HAVCR1: variants seen among roughly 807,000 people sequenced by gnomAD.
HAVCR1 encodes hepatitis A virus cellular receptor 1.
In HAVCR1, 34 loss-of-function variants were observed where a neutral mutation model predicts 32.0. The observed-to-expected ratio is 1.06, with a 90% CI of 0.81 to 1.42. The LOEUF (loss-of-function observed/expected upper bound fraction) is 1.42. Among genes scored for constraint, HAVCR1 ranks in the 40% most tolerant of loss-of-function variants. The probability of loss-of-function intolerance (pLI) is 0.00; values close to 1 mark genes in which losing one functional copy is unlikely to be tolerated. For synonymous variants in HAVCR1, 178 were observed against 170.3 expected, an observed-to-expected ratio of 1.05 and a Z score of -0.35; for missense variants, 420 against 442.3, an observed-to-expected ratio of 0.95 and a Z score of 0.45.
At chr5:157,062,545 C>T (rs1756511060), upstream of HAVCR1, among the ~76,000 whole-genome samples, 1 of 152,130 alleles carries the variant, frequency 6.6e-6, no homozygotes, top group Non-Finnish European at 1.5e-5. Flanking sequence ...CTTAGGCCCC[C>T]TCCACAACTA....
At chr5:157,035,635 A>C (rs1754480369) in intron 7 of HAVCR1, among the ~76,000 whole-genome samples, 1 of 152,180 alleles carries the variant, frequency 6.6e-6, no homozygotes, top group African/African-American at 2.4e-5. Flanking sequence ...GAAAAAAATT[A>C]GATCTTGTAG....
upstream of HAVCR1, among the ~76,000 whole-genome samples, chr5:157,060,649 T>C (rs1377520385): frequency 6.6e-6 from 1 of 152,180 alleles, no homozygotes. Flanking sequence ...GGAGTTATTC[T>C]GGTAACGGAG....
chr5:157,048,589 G>A (rs1224423556), intron 5 of HAVCR1, among the ~76,000 whole-genome samples: 2 of 152,162 alleles, frequency 1.3e-5, no homozygotes, highest in Non-Finnish European at 2.9e-5. Context: ...CCAGCACTTT[G>A]GGAGGTGGAG....
At chr5:157,042,021 T>C (rs1055700143) in intron 6 of HAVCR1, among the ~76,000 whole-genome samples, 2 of 152,028 alleles carry the variant, frequency 1.3e-5, no homozygotes, top group East Asian at 1.9e-4. Flanking sequence ...ATCGCATCAC[T>C]ACACTCCAGC....
chr5:157,052,497 C>A lies in HAVCR1; in HGVS notation c.537G>T (p.Leu179=). The part of the protein sequence containing the change: ...TMSIPTTTTV[L]TTMTVSTTTS... ...TTGTCGTTGAAACAGTCATTGTCGT[C>A]AGAACAGTCGTTGTCGTTGGAATGC... The change falls in exon 4 of 9, where the codon CTG becomes CTT. Residue 179 remains leucine (L), a synonymous_variant. Transcript: ENST00000523175. 6.2e-7 allele frequency: 1 copy of A among 1,602,588 alleles called. No individual in the cohort carries two copies. Among genetic ancestry groups the A allele is most frequent in the Non-Finnish European group, 8.5e-7 (1 of 1,172,916 alleles).
upstream of HAVCR1, among the ~76,000 whole-genome samples, chr5:157,063,036 C>G (rs2113664171): frequency 6.6e-6 from 1 of 150,706 alleles, no homozygotes; most frequent in South Asian, 2.1e-4. Context: ...AAGAGAATCG[C>G]TTGAACCTGG....
In HAVCR1 at chr5:157,044,661, GAAA is replaced by G. The variant is rs1243060313; in HGVS notation, c.782-1982_782-1980del. On this transcript the variant is annotated intron_variant, in intron 5 of 8. Transcript: ENST00000523175. ...AGAAAGAAAGAAAGAAAGAAAGAAA[GAAA>G]GAAAGAAAGAAAGGAGGGAGGGAGG... Among the ~76,000 whole-genome samples, 8 of 129,682 alleles carry G rather than the reference GAAA, an allele frequency of 6.2e-5. 1 individual carries two copies. The highest frequency in any genetic ancestry group is 2.6e-4 in the African/African-American group (8 of 30,296). The allele number at this position is 129,682 out of a possible 152,430, so 85.1% of individuals were successfully genotyped here.
intron 8 of HAVCR1, among the ~76,000 whole-genome samples, 188 bp from the exon 9 acceptor site, chr5:157,030,029 G>C (rs1453712745): frequency 6.6e-6 from 1 of 152,070 alleles, no homozygotes; most frequent in Non-Finnish European, 1.5e-5. Flanking sequence ...TTATTATTAA[G>C]TTGAAGAAAA....
chr5:157,038,854 G>A (rs749161050), intron 6 of HAVCR1, among the ~76,000 whole-genome samples: 2 of 152,182 alleles, frequency 1.3e-5, no homozygotes, highest in South Asian at 2.1e-4. Flanking sequence ...ACCAGGTCAC[G>A]GACAGTGGCT....
At chr5:157,066,011 G>A in the HAVCR1 span, among the ~76,000 whole-genome samples, 1 of 137,646 alleles carries the variant, frequency 7.3e-6, no homozygotes, top group Non-Finnish European at 1.5e-5. Flanking sequence ...AGCCGAGATC[G>A]CACCACTGCA....
At chr5:157,032,504 G>C (rs1754238590) in intron 8 of HAVCR1, among the ~76,000 whole-genome samples, 1 of 152,202 alleles carries the variant, frequency 6.6e-6, no homozygotes, top group Non-Finnish European at 1.5e-5. Context: ...GGCAGCAAGA[G>C]TGAAATTCAG....
At chr5:157,057,403 GAA>G (rs1459908609) in intron 2 of HAVCR1, among the ~76,000 whole-genome samples, 2 of 63,586 alleles carry the variant, frequency 3.1e-5, no homozygotes, top group Non-Finnish European at 7.6e-5. Flanking sequence ...AAGAAAGAAA[GAA>G]AGAAAGAAAG....
upstream of HAVCR1, among the ~76,000 whole-genome samples, chr5:157,063,056 G>T (rs1309975934): frequency 6.6e-6 from 1 of 150,986 alleles, no homozygotes; most frequent in African/African-American, 2.4e-5. Context: ...GGAGGTGGAG[G>T]TTGCAGTGAG....
At chr5:157,037,010 A>G (rs903162331) in intron 7 of HAVCR1, among the ~76,000 whole-genome samples, 33 of 152,244 alleles carry the variant, frequency 2.2e-4, no homozygotes, top group African/African-American at 7.5e-4. Flanking sequence ...GATTACAGGC[A>G]TAAGACCCCA....
At chr5:157,034,148 C>T (rs986762773) in intron 7 of HAVCR1, among the ~76,000 whole-genome samples, 2 of 152,146 alleles carry the variant, frequency 1.3e-5, no homozygotes, top group African/African-American at 4.8e-5. Flanking sequence ...GGACCCACGC[C>T]GGCACTTGTC....
At chr5:157,061,953 A>G (rs1756498630), upstream of HAVCR1, among the ~76,000 whole-genome samples, 1 of 152,170 alleles carries the variant, frequency 6.6e-6, no homozygotes, top group African/African-American at 2.4e-5. Flanking sequence ...GAATTTTCTG[A>G]CACAGGACCA....
intron 3 of HAVCR1, 109 bp from the exon 4 acceptor site, chr5:157,052,763 T>C: frequency 1.1e-6 from 1 of 921,942 alleles, no homozygotes; most frequent in Non-Finnish European, 1.7e-6. Flanking sequence ...CTAGGTGGAG[T>C]TAACTTCCTG....
Position 157,052,351 on chromosome 5 carries a change from T to C in HAVCR1, c.673+10A>G, listed in dbSNP as rs376471899. 48 of 1,613,224 alleles carry C rather than the reference T, an allele frequency of 3.0e-5. No individual in the cohort carries two copies. The highest frequency in any genetic ancestry group is 2.3e-5 in the Non-Finnish European group (27 of 1,179,344). On this transcript the variant is annotated intron_variant, in intron 4 of 8. Transcript: ENST00000523175. ...GAAGGCCTTTGGGCTTCCAAACACATCTGTTTTACCTGGTTCATGGTTCTG... is the reference window on the plus strand; with the variant it reads ...GAAGGCCTTTGGGCTTCCAAACACACCTGTTTTACCTGGTTCATGGTTCTG...
chr5:157,034,124 G>A (rs575445110), intron 7 of HAVCR1, among the ~76,000 whole-genome samples: 3 of 152,190 alleles, frequency 2.0e-5, no homozygotes, highest in East Asian at 1.9e-4. Context: ...AGGGACCGGC[G>A]CTCAGCATAC....
Sources: allele counts gnomAD v4.1 joint callset (sites outside exome capture counted in the v4.1 genomes callset), GRCh38; gene constraint gnomAD v4.1.1; transcripts MANE v1.5; gene names NCBI Gene and HGNC (gene_info 2026-07-23, HGNC 2026-07-21).